CPLANE1: variants seen among roughly 807,000 people sequenced by gnomAD.
The protein encoded by CPLANE1 is ciliogenesis and planar polarity effector complex subunit 1, also known as ciliogenesis and planar polarity effector 1.
Under a neutral mutation model 362.5 loss-of-function variants are expected in CPLANE1, and 263 were observed. The observed-to-expected ratio is 0.73, with a 90% confidence interval of 0.66 to 0.80. The LOEUF (loss-of-function observed/expected upper bound fraction) is 0.80. Ranked by LOEUF, CPLANE1 falls within the 30% of genes least tolerant of loss-of-function variation. The probability of loss-of-function intolerance (pLI) is 0.00; values close to 1 mark genes in which losing one functional copy is unlikely to be tolerated. For synonymous variants in CPLANE1, 1,212 were observed against 1,302.6 expected (o/e 0.93, Z 1.50); for missense variants, 3,461 against 3,793.4 (o/e 0.91, Z 2.30).
chr5:37,167,216 A>G lies in CPLANE1; in HGVS notation c.7234-3T>C. 6.2e-7 allele frequency: 1 copy of G among 1,601,228 alleles called. No individual in the cohort carries two copies. Among genetic ancestry groups the G allele is most frequent in the African/African-American group, 1.3e-5 (1 of 74,318 alleles). ...GGGATAAGTTGTGTTTTTTTGCACT[A>G]CAAGAAAGAAACAAAGCATAAGAAT... On this transcript the variant is annotated splice_polypyrimidine_tract_variant and splice_region_variant and intron_variant, in intron 34 of 52. Coordinates refer to ENST00000651892, the MANE Select transcript of CPLANE1 (RefSeq NM_001384732.1).
At chr5:37,114,090 T>G (rs1760177264) in intron 51 of CPLANE1, among the ~76,000 whole-genome samples, 4 of 152,136 alleles carry the variant, frequency 2.6e-5, no homozygotes. Context: ...GGATTATAGG[T>G]GTGAGCCACC....
chr5:37,226,128 T>C (rs191177923), intron 12 of CPLANE1, among the ~76,000 whole-genome samples, 176 bp downstream of exon 12: 2 of 152,254 alleles, frequency 1.3e-5, no homozygotes, highest in East Asian at 1.9e-4. Context: ...TCTGGGGTGA[T>C]AAAAACGTTC....
chr5:37,110,243 C>T (rs898752328), intron 51 of CPLANE1, among the ~76,000 whole-genome samples: 1 of 152,150 alleles, frequency 6.6e-6, no homozygotes, highest in Non-Finnish European at 1.5e-5. Flanking sequence ...ATCTCTCCCA[C>T]CATATCTCTC....
intron 21 of CPLANE1, among the ~76,000 whole-genome samples, chr5:37,195,171 A>G (rs1169179181): frequency 6.6e-6 from 1 of 151,652 alleles, no homozygotes; most frequent in Non-Finnish European, 1.5e-5. Context: ...AAAAAAAAAG[A>G]TAAGATCAGG....
At chr5:37,150,235 T>C (rs1773099570) in intron 42 of CPLANE1, among the ~76,000 whole-genome samples, 1 of 152,182 alleles carries the variant, frequency 6.6e-6, no homozygotes, top group African/African-American at 2.4e-5. Context: ...CTGAGTCTCT[T>C]ATGACTTCAG....
intron 16 of CPLANE1, among the ~76,000 whole-genome samples, chr5:37,208,233 A>T (rs1791392598): frequency 6.6e-6 from 1 of 152,232 alleles, no homozygotes; most frequent in Admixed American, 6.5e-5. Context: ...GCATAGGCCA[A>T]CATGCCCAGC....
downstream of CPLANE1, among the ~76,000 whole-genome samples, chr5:37,104,596 T>C (rs1330888412): frequency 2.3e-5 from 3 of 133,168 alleles, no homozygotes; most frequent in Non-Finnish European, 4.7e-5. Flanking sequence ...TGAAACTCTG[T>C]CTAAAAAATA....
At chr5:37,100,176 C>A in the CPLANE1 span, among the ~76,000 whole-genome samples, 7 of 152,266 alleles carry the variant, frequency 4.6e-5, no homozygotes, top group African/African-American at 1.4e-4. Context: ...ATTGTGAAAT[C>A]TTTGCCAGTG....
chr5:37,149,384 T>C (rs1490717811), intron 42 of CPLANE1, among the ~76,000 whole-genome samples: 1 of 152,184 alleles, frequency 6.6e-6, no homozygotes, highest in African/African-American at 2.4e-5. Context: ...TCTAATACAA[T>C]GTAAATGTTA....
chr5:37,132,576 G>A lies in CPLANE1; in HGVS notation c.8792+6144C>T, dbSNP rs1157928877. On this transcript the variant is annotated intron_variant, in intron 46 of 52. Coordinates refer to ENST00000651892, the MANE Select transcript of CPLANE1 (RefSeq NM_001384732.1). ...TTAGCCAGGATGGTCTCAATCTCCT[G>A]ACCTTGTAATCCGCCCGCCTTGGCC... Among the ~76,000 whole-genome samples, 3 of 152,084 alleles carry A rather than the reference G, an allele frequency of 2.0e-5. No homozygotes were observed. The East Asian group carries it at 5.8e-4, about 29-fold the overall frequency.
intron 9 of CPLANE1, among the ~76,000 whole-genome samples, chr5:37,228,163 C>G (rs1011102246): frequency 2.6e-5 from 4 of 151,916 alleles, no homozygotes; most frequent in Admixed American, 1.3e-4. Context: ...TTTAAATATG[C>G]TTACACAAAT....
Position 37,184,999 on chromosome 5 carries a change from T to C in CPLANE1, c.4270A>G (p.Arg1424Gly), listed in dbSNP as rs1171271425. 4 of 1,614,148 alleles carry C rather than the reference T, an allele frequency of 2.5e-6. No individual in the cohort carries two copies. In the Admixed American group the frequency reaches 5.0e-5, roughly 20 times the overall value. ...VRVKALKRVQ[R>G]NIGSFEVNIW... ...TTCACTTCAAAAGAGCCTATATTTC[T>C]CTGCACACGTTTTAGAGCTTTCACC... The change falls in exon 25 of 53, where the codon AGA becomes GGA. Residue 1424 changes from arginine (R) to glycine (G), a missense_variant. Arg to Gly is a moderately radical substitution (Grantham distance 125). This residue lies in a region of CPLANE1 where 3,380 missense variants were observed against 3,666.1 expected (regional missense o/e 0.92). Transcript: ENST00000651892.
At chr5:37,097,935 T>A in the CPLANE1 span, among the ~76,000 whole-genome samples, 1 of 151,910 alleles carries the variant, frequency 6.6e-6, no homozygotes, top group Non-Finnish European at 1.5e-5. Context: ...AAAAAGACAA[T>A]GAAAATCATA....
At chr5:37,158,013 A>C in intron 39 of CPLANE1, 145 bp from the exon 40 acceptor site, 1 of 765,132 alleles carries the variant, frequency 1.3e-6, no homozygotes, top group Admixed American at 3.2e-5. Context: ...GAATGTGCCT[A>C]ACTTAGGAAA....
downstream of CPLANE1, among the ~76,000 whole-genome samples, chr5:37,103,745 C>T (rs1561263029): frequency 1.3e-5 from 2 of 152,192 alleles, no homozygotes; most frequent in Admixed American, 6.5e-5. Flanking sequence ...TGATGTTAGT[C>T]TGATGGGCTT....
intron 33 of CPLANE1, 67 bp from the exon 34 acceptor site, chr5:37,169,628 A>T: frequency 7.2e-7 from 1 of 1,389,996 alleles, no homozygotes; most frequent in Non-Finnish European, 9.8e-7. Context: ...TGTAAATGGC[A>T]TTCAGTATGT....
intron 24 of CPLANE1, among the ~76,000 whole-genome samples, chr5:37,185,990 A>T (rs1241115166): frequency 6.6e-6 from 1 of 152,208 alleles, no homozygotes; most frequent in Non-Finnish European, 1.5e-5. Context: ...TAAAGCAGGT[A>T]ATACTATGCC....
intron 47 of CPLANE1, among the ~76,000 whole-genome samples, chr5:37,123,394 T>C (rs1211854388): frequency 2.6e-5 from 4 of 152,324 alleles, no homozygotes; most frequent in Admixed American, 2.0e-4. Context: ...TGATTTCTAA[T>C]AGAAATTCAA....
intron 43 of CPLANE1, among the ~76,000 whole-genome samples, chr5:37,144,397 T>TAAA (rs1176016655): frequency 6.1e-4 from 41 of 67,206 alleles, no homozygotes; most frequent in Middle Eastern, 0.012. Flanking sequence ...AGACTTTGTC[T>TAAA]AAAAAAAAAA....
Sources: gnomAD v4.1 joint callset for allele counts (sites outside exome capture counted in the v4.1 genomes callset) on GRCh38, gnomAD v4.1.1 for gene constraint, gnomAD v4.1.1 regional missense constraint, MANE v1.5 for transcripts, NCBI Gene and HGNC (gene_info 2026-07-23, HGNC 2026-07-21) for gene names.